Variants in SSBP2 observed in about 807,000 individuals in gnomAD.
The protein encoded by SSBP2 is single stranded DNA binding protein 2.
Under a neutral mutation model 61.8 loss-of-function variants are expected in SSBP2, and 17 were observed. That is an observed-to-expected ratio of 0.28 (90% confidence interval 0.19 to 0.41). The LOEUF (loss-of-function observed/expected upper bound fraction) is 0.41, where lower values mean the gene tolerates loss of function less well. SSBP2 is among the 10% of genes least tolerant of loss of function. The probability of loss-of-function intolerance (pLI) is 1.00; values close to 1 mark genes in which losing one functional copy is unlikely to be tolerated. For missense variants in SSBP2, 310 were observed against 458.7 expected, an observed-to-expected ratio of 0.68 and a Z score of 2.96; for synonymous variants, 139 against 141.3, an observed-to-expected ratio of 0.98 and a Z score of 0.12.
At chr5:81,456,027 C>T (rs1764118864) in intron 10 of SSBP2, among the ~76,000 whole-genome samples, 1 of 152,084 alleles carries the variant, frequency 6.6e-6, no homozygotes, top group Admixed American at 6.6e-5. Flanking sequence ...ATCTTACAAG[C>T]ACTGGTTTAC....
chr5:81,478,747 A>T (rs1765767618), intron 6 of SSBP2, among the ~76,000 whole-genome samples: 1 of 152,190 alleles, frequency 6.6e-6, no homozygotes, highest in Admixed American at 6.5e-5. Flanking sequence ...CTGGGATTAT[A>T]GGTGTAAACC....
At chr5:81,551,461 A>G (rs562829705) in intron 4 of SSBP2, among the ~76,000 whole-genome samples, 3 of 152,194 alleles carry the variant, frequency 2.0e-5, no homozygotes, top group African/African-American at 7.2e-5. Context: ...AGAAATGCAA[A>G]TACTTTTATA....
intron 4 of SSBP2, among the ~76,000 whole-genome samples, chr5:81,545,421 A>G (rs1771656051): frequency 6.6e-6 from 1 of 152,230 alleles, no homozygotes; most frequent in African/African-American, 2.4e-5. Context: ...ACTATTTTAA[A>G]GAACAGTAAT....
At chr5:81,626,263 T>A (rs973113442) in intron 3 of SSBP2, among the ~76,000 whole-genome samples, 3 of 152,234 alleles carry the variant, frequency 2.0e-5, no homozygotes, top group Non-Finnish European at 4.4e-5. Context: ...CAATTTCTAT[T>A]TTAAAATATA....
At position 81,511,585 on chromosome 5, in the gene SSBP2, A is replaced by C. The variant is rs111337893; in HGVS notation, c.372+2043T>G. Among the ~76,000 whole-genome samples the C allele has an allele frequency of 7.6e-4, 115 of 152,256 alleles. 1 individual carries two copies. Among genetic ancestry groups the C allele is most frequent in the Middle Eastern group, 3.4e-3 (1 of 294 alleles). On this transcript the variant is annotated intron_variant, in intron 5 of 16. Transcript: ENST00000320672. The stretch of plus-strand genomic sequence containing the variant: ...ATGCAGTCACGCTTTTGTTTATACT[A>C]TTCTGACTTTCTGAAATGTAATTCC...
At chr5:81,682,914 T>A (rs1752502588) in intron 1 of SSBP2, among the ~76,000 whole-genome samples, 1 of 152,074 alleles carries the variant, frequency 6.6e-6, no homozygotes, top group Non-Finnish European at 1.5e-5. Flanking sequence ...ACCATTTACA[T>A]TAGCACCCTA....
At chr5:81,721,339 G>C (rs1307876748) in intron 1 of SSBP2, among the ~76,000 whole-genome samples, 3 of 151,890 alleles carry the variant, frequency 2.0e-5, no homozygotes. Flanking sequence ...TTCCAACACA[G>C]ACAACAAGCA....
intron 4 of SSBP2, among the ~76,000 whole-genome samples, chr5:81,530,362 C>A (rs1185828173): frequency 6.6e-6 from 1 of 152,036 alleles, no homozygotes; most frequent in Non-Finnish European, 1.5e-5. Flanking sequence ...ATTTTAGAGA[C>A]CAGTGAGAAA....
intron 15 of SSBP2, among the ~76,000 whole-genome samples, chr5:81,432,774 G>A (rs1006688260): frequency 1.3e-4 from 16 of 122,540 alleles, no homozygotes; most frequent in South Asian, 2.3e-4. Context: ...GTCAGCCCCC[G>A]CCCGGCCAGC....
intron 1 of SSBP2, among the ~76,000 whole-genome samples, chr5:81,671,369 A>C (rs1007690585): frequency 1.3e-5 from 2 of 152,106 alleles, no homozygotes; most frequent in Non-Finnish European, 2.9e-5. Context: ...GAGGCTGTTT[A>C]TTCCTCTCTT....
At chr5:81,531,053 A>T (rs1000411894) in intron 4 of SSBP2, among the ~76,000 whole-genome samples, 1 of 151,574 alleles carries the variant, frequency 6.6e-6, no homozygotes, top group African/African-American at 2.4e-5. Context: ...TACAAAACCA[A>T]ACCAAAACCA....
intron 1 of SSBP2, among the ~76,000 whole-genome samples, chr5:81,734,634 T>C (rs1239938206): frequency 6.6e-6 from 1 of 152,180 alleles, no homozygotes; most frequent in East Asian, 1.9e-4. Context: ...TTACCTTTAT[T>C]GAAGATTTTT....
chr5:81,487,616 T>G (rs1472219117), intron 6 of SSBP2, among the ~76,000 whole-genome samples: 1 of 152,054 alleles, frequency 6.6e-6, no homozygotes, highest in Non-Finnish European at 1.5e-5. Flanking sequence ...TTAAACTTTA[T>G]TTTTTAAAAA....
At chr5:81,431,086 T>C (rs1412282573) in intron 15 of SSBP2, among the ~76,000 whole-genome samples, 1 of 152,052 alleles carries the variant, frequency 6.6e-6, no homozygotes, top group Non-Finnish European at 1.5e-5. Flanking sequence ...CCAGAACAGG[T>C]AATGAGGGTA....
intron 4 of SSBP2, among the ~76,000 whole-genome samples, chr5:81,600,456 GGAGGCT>G (rs1744242392): frequency 6.6e-6 from 1 of 151,406 alleles, no homozygotes; most frequent in Non-Finnish European, 1.5e-5. Flanking sequence ...AGCTAACCCA[GGAGGCT>G]GAGGCAGAAG....
At chr5:81,593,950 C>G (rs946825458) in intron 4 of SSBP2, among the ~76,000 whole-genome samples, 4 of 152,180 alleles carry the variant, frequency 2.6e-5, no homozygotes, top group African/African-American at 9.7e-5. Context: ...GCAAAATAAT[C>G]AGCTAACATC....
At chr5:81,475,933 T>TTG (rs140660917) in intron 6 of SSBP2, among the ~76,000 whole-genome samples, 2 of 151,878 alleles carry the variant, frequency 1.3e-5, no homozygotes, top group African/African-American at 2.4e-5. Flanking sequence ...TTATCCCAGA[T>TTG]TGTGTGTGTG....
At chr5:81,686,719 G>T (rs1460398052) in intron 1 of SSBP2, among the ~76,000 whole-genome samples, 1 of 151,860 alleles carries the variant, frequency 6.6e-6, no homozygotes, top group Non-Finnish European at 1.5e-5. Context: ...GCCGGGTGTG[G>T]TGGCATGTGC....
At chr5:81,618,230 T>C (rs963567841) in intron 3 of SSBP2, among the ~76,000 whole-genome samples, 2 of 85,482 alleles carry the variant, frequency 2.3e-5, no homozygotes, top group African/African-American at 3.8e-5. Flanking sequence ...GAGACACACA[T>C]AGGCTCAAAA....
Sources: allele counts gnomAD v4.1 joint callset (sites outside exome capture counted in the v4.1 genomes callset), GRCh38; gene constraint gnomAD v4.1.1; transcripts MANE v1.5; gene names NCBI Gene and HGNC (gene_info 2026-07-23, HGNC 2026-07-21).